The following EXD2 variants were observed in gnomAD, a reference collection of about 807,000 sequenced individuals.
The protein encoded by EXD2 is exonuclease 3'-5' domain containing 2, also known as exonuclease 3'-5' domain-containing protein 2.
EXD2 carries 40 observed loss-of-function variants against 62.5 expected under a neutral mutation model. The ratio of observed to expected loss-of-function variants is 0.64; its 90% CI spans 0.50 to 0.83. The LOEUF (loss-of-function observed/expected upper bound fraction) is 0.83. EXD2 is among the 40% of genes least tolerant of loss of function. The pLI is 0.00. For synonymous variants in EXD2, 239 were observed against 291.9 expected (o/e 0.82, Z 1.85); for missense variants, 671 against 761.8 (o/e 0.88, Z 1.40).
At chr14:69,227,415 G>A (rs1459729154) in intron 3 of EXD2, among the ~76,000 whole-genome samples, 2 of 152,128 alleles carry the variant, frequency 1.3e-5, no homozygotes, top group Non-Finnish European at 2.9e-5. Context: ...AATTTATTGG[G>A]TGTTTAATCT....
In EXD2 at chr14:69,209,502, T is replaced by A; in HGVS notation, c.32T>A (p.Val11Glu). The change falls in exon 3 of 10, where the codon GTG (valine) becomes GAG (glutamate). Residue 11 changes from valine (V) to glutamate (E), a missense_variant. Transcript: ENST00000685843. ...AGACAGAACTTAGTGGCTTTGACAG[T>A]GACTACCCTTCTGGGTGTGGCTGTA... MSRQNLVALT[V>E]TTLLGVAVGG... 6.5e-7 allele frequency: 1 copy of A among 1,546,770 alleles called. No homozygotes were observed. The highest frequency in any genetic ancestry group is 8.7e-7 in the Non-Finnish European group (1 of 1,145,180).
At chr14:69,217,552 TA>T (rs1414925969) in intron 3 of EXD2, among the ~76,000 whole-genome samples, 1 of 152,122 alleles carries the variant, frequency 6.6e-6, no homozygotes, top group Non-Finnish European at 1.5e-5. Flanking sequence ...CTTTTTTTTT[TA>T]TTATACTTTA....
At chr14:69,221,603 C>CA (rs1159086042) in intron 3 of EXD2, among the ~76,000 whole-genome samples, 2 of 151,274 alleles carry the variant, frequency 1.3e-5, no homozygotes, top group African/African-American at 4.9e-5. Flanking sequence ...TCTGTCTTTA[C>CA]AAAAAAATTA....
intron 3 of EXD2, among the ~76,000 whole-genome samples, chr14:69,212,418 C>G (rs939178894): frequency 5.3e-5 from 8 of 152,138 alleles, no homozygotes; most frequent in African/African-American, 1.7e-4. Flanking sequence ...GAAAAATCAT[C>G]CATTCTTGCT....
At chr14:69,235,155 TCTTG>T in intron 6 of EXD2, 124 bp downstream of exon 6, 4 of 752,522 alleles carry the variant, frequency 5.3e-6, no homozygotes, top group Non-Finnish European at 8.1e-6. Flanking sequence ...CCGGGGTTAA[TCTTG>T]CTTTTTCTTT....
At chr14:69,207,321 C>T (rs1039838901) in intron 2 of EXD2, among the ~76,000 whole-genome samples, 2 of 151,914 alleles carry the variant, frequency 1.3e-5, no homozygotes, top group African/African-American at 4.8e-5. Flanking sequence ...TGGTAAAACC[C>T]TGTCTCTACT....
chr14:69,216,212 C>T (rs188096489), intron 3 of EXD2, among the ~76,000 whole-genome samples: 15 of 152,270 alleles, frequency 9.9e-5, no homozygotes, highest in Non-Finnish European at 2.1e-4. Context: ...AACAGATAAA[C>T]CTTTCCTGAT....
chr14:69,209,537 G>A lies in EXD2; in HGVS notation c.67G>A (p.Val23Ile). 4.5e-6 allele frequency: 7 copies of A among 1,550,612 alleles called. No individual in the cohort carries two copies. The highest frequency in any genetic ancestry group is 6.1e-6 in the Non-Finnish European group (7 of 1,146,978). The change falls in exon 3 of 10, where the codon GTC (valine) becomes ATC (isoleucine). Residue 23 changes from valine (V) to isoleucine (I), a missense_variant. Coordinates refer to ENST00000685843, the MANE Select transcript of EXD2 (RefSeq NM_001193360.2). Reference sequence around the variant, plus strand: ...TCTGGGTGTGGCTGTAGGGGGGTTTGTCCTCTGGAAAGGCATCCAGCGCCG... The same window carrying A: ...TCTGGGTGTGGCTGTAGGGGGGTTTATCCTCTGGAAAGGCATCCAGCGCCG... ...TLLGVAVGGFVLWKGIQRRRR... is the reference protein window; with the variant it reads ...TLLGVAVGGFILWKGIQRRRR...
Position 69,237,459 on chromosome 14 carries a change from C to G in EXD2, c.1293-116C>G, listed in dbSNP as rs369904434. The G allele has an allele frequency of 2.9e-5, 26 of 890,342 alleles. No individual in the cohort carries two copies. The African/African-American group carries it at 3.6e-4, about 12-fold the overall frequency. The allele number at this position is 890,342 out of a possible 1,614,324, so 55.2% of individuals were successfully genotyped here. On this transcript the variant is annotated intron_variant, in intron 8 of 9. Coordinates refer to ENST00000685843, the MANE Select transcript of EXD2 (RefSeq NM_001193360.2). The stretch of plus-strand genomic sequence containing the variant: ...GTGATCTGTGTTGGGCGGTGGTGCC[C>G]AAGGCTTCTCAGTCATGGTTAGGCC...
intron 3 of EXD2, among the ~76,000 whole-genome samples, chr14:69,224,524 A>G (rs1461308261): frequency 6.6e-6 from 1 of 152,206 alleles, no homozygotes; most frequent in Admixed American, 6.5e-5. Flanking sequence ...CCAAGCTTCA[A>G]GTATCTCTCA....
intron 3 of EXD2, among the ~76,000 whole-genome samples, chr14:69,220,253 G>GTTTTTTGTTTTTTTTTTTTTTT (rs2043126549): frequency 1.1e-4 from 4 of 35,096 alleles, no homozygotes; most frequent in Non-Finnish European, 1.5e-4. Context: ...TTGTCTCTCT[G>GTTTTTTGTTTTTTTTTTTTTTT]TTTTTTTTTT....
intron 2 of EXD2, among the ~76,000 whole-genome samples, chr14:69,204,333 G>C (rs1370050407): frequency 3.3e-5 from 5 of 152,200 alleles, no homozygotes; most frequent in Admixed American, 1.3e-4. Context: ...ACTTTGGGAA[G>C]GTGAGGCAGG....
rs2140236001 is a variant in EXD2 at position 69,209,735 on chromosome 14, G to A, written c.265G>A (p.Asp89Asn). 6.5e-7 allele frequency: 1 copy of A among 1,548,772 alleles called. No homozygotes were observed. Among genetic ancestry groups the A allele is most frequent in the Non-Finnish European group, 8.7e-7 (1 of 1,146,354 alleles). The change falls in exon 3 of 10, where the codon GAT becomes AAT. Residue 89 changes from aspartate to asparagine, a missense_variant. Physicochemically the swap from Asp to Asn is conservative, Grantham distance 23. Transcript: ENST00000685843. ...GACGGTGTCTCAGGAGGCAGAGTGGGATCAAATCGAGCCCTTGCTTAGAAG... is the reference window on the plus strand; with the variant it reads ...GACGGTGTCTCAGGAGGCAGAGTGGAATCAAATCGAGCCCTTGCTTAGAAG... ...VVTVSQEAEW[D>N]QIEPLLRSEL...
chr14:69,206,568 C>G (rs914343115), intron 2 of EXD2, among the ~76,000 whole-genome samples: 1 of 150,902 alleles, frequency 6.6e-6, no homozygotes, highest in Admixed American at 6.6e-5. Context: ...TAGCCTTGAC[C>G]TCCCCGGCTC....
intron 8 of EXD2, 90 bp from the exon 9 acceptor site, chr14:69,237,485 C>G: frequency 8.3e-7 from 1 of 1,211,156 alleles, no homozygotes; most frequent in Non-Finnish European, 1.2e-6. Flanking sequence ...TGGTTAGGCC[C>G]CAGTTAGAAC....
In EXD2 at chr14:69,203,991, C is replaced by T. The variant is rs550068167; in HGVS notation, c.-57C>T. 6.6e-6 allele frequency: 1 copy of T among 152,204 alleles called. No individual in the cohort carries two copies. Among genetic ancestry groups the T allele is most frequent in the African/African-American group, 2.4e-5 (1 of 41,456 alleles). The allele number at this position is 152,204 out of a possible 1,614,324, so 9.4% of individuals were successfully genotyped here. A position where few individuals can be genotyped will look rare whatever the true frequency, so the allele number is the denominator to read the frequency against. ...AGAAGTTTGGCAAATTGGCTAAGTT[C>T]CTACAGCTAGTGAGTAACAGAGGCT... is the stretch of plus-strand genomic sequence containing the variant. On this transcript the variant is annotated 5_prime_UTR_variant, in exon 2 of 10. Coordinates refer to ENST00000685843, the MANE Select transcript of EXD2 (RefSeq NM_001193360.2).
chr14:69,234,892 G>C lies in EXD2; in HGVS notation c.910G>C (p.Val304Leu). 6.2e-7 allele frequency: 1 copy of C among 1,614,200 alleles called. No individual in the cohort carries two copies. The highest frequency in any genetic ancestry group is 8.5e-7 in the Non-Finnish European group (1 of 1,180,020). Residue 304 changes from valine to leucine, a missense_variant, in exon 6 of 10, where the codon GTT becomes CTT. Transcript: ENST00000685843. ...SKGMSRLGEE[V>L]NGEATESQQK... The stretch of plus-strand genomic sequence containing the variant: ...AGGAATGAGCAGATTGGGAGAAGAG[G>C]TTAATGGGGAAGCAACAGAATCTCA...
At position 69,203,569 on chromosome 14, in the gene EXD2, C is replaced by G. The variant is rs144460434; in HGVS notation, c.-131-348C>G. On this transcript the variant is annotated intron_variant, in intron 1 of 9. Transcript: ENST00000685843. ...AAACACTTGTCATTGCAGAGGCTGT[C>G]AAAGAGGGCAATTTGTAAGCAGGAA... is the stretch of plus-strand genomic sequence containing the variant. 5.3e-5 allele frequency among the ~76,000 whole-genome samples: 8 copies of G among 152,264 alleles called. No homozygotes were observed. In the East Asian group the frequency reaches 1.4e-3, roughly 26 times the overall value.
At chr14:69,234,512 A>G (rs2043699568) in intron 5 of EXD2, among the ~76,000 whole-genome samples, 188 bp from the exon 6 acceptor site, 1 of 152,228 alleles carries the variant, frequency 6.6e-6, no homozygotes, top group Admixed American at 6.5e-5. Flanking sequence ...TAATCATACT[A>G]TTCAATTTAC....
Sources: gnomAD v4.1 joint callset for allele counts (sites outside exome capture counted in the v4.1 genomes callset) on GRCh38, gnomAD v4.1.1 for gene constraint, MANE v1.5 for transcripts, NCBI Gene and HGNC (gene_info 2026-07-23, HGNC 2026-07-21) for gene names.